The following DISC1 variants were observed in gnomAD, a reference collection of about 807,000 sequenced individuals.
DISC1 encodes the protein disrupted in schizophrenia 1 protein.
Under a neutral mutation model 84.5 loss-of-function variants are expected in DISC1, and 57 were observed. That is an observed-to-expected ratio of 0.67 (90% CI 0.55 to 0.84). The LOEUF is 0.84. Among genes scored for constraint, DISC1 ranks in the 40% least tolerant of loss-of-function variants. The pLI, the probability that DISC1 is intolerant of heterozygous loss-of-function variation, is 0.00. For synonymous variants in DISC1, 411 were observed against 415.2 expected, an observed-to-expected ratio of 0.99 and a Z score of 0.12; for missense variants, 1,000 against 1,057.8, an observed-to-expected ratio of 0.95 and a Z score of 0.76.
chr1:232,026,260 A>G (rs912401531), intron 11 of DISC1, among the ~76,000 whole-genome samples, 175 bp from the exon 12 acceptor site: 24 of 152,190 alleles, frequency 1.6e-4, no homozygotes, highest in Admixed American at 9.2e-4. Flanking sequence ...TTCTTTGGTC[A>G]TAACTTGAAA....
Position 231,890,251 on chromosome 1 carries a change from G to C in DISC1, c.1982-68577G>C, listed in dbSNP as rs542220229. 2.6e-5 allele frequency among the ~76,000 whole-genome samples: 4 copies of C among 152,174 alleles called. No homozygotes were observed. The East Asian group carries it at 5.8e-4, about 22-fold the overall frequency. ...ATCTGTGCCTTCTATGGCTCTGATCGTGGGTAAGCAAAAAACACAGTGACT... is the reference window on the plus strand; with the variant it reads ...ATCTGTGCCTTCTATGGCTCTGATCCTGGGTAAGCAAAAAACACAGTGACT... On this transcript the variant is annotated intron_variant, in intron 9 of 12. Transcript: ENST00000439617.
chr1:231,945,461 C>T (rs1656984092), intron 9 of DISC1, among the ~76,000 whole-genome samples: 1 of 152,174 alleles, frequency 6.6e-6, no homozygotes, highest in Admixed American at 6.5e-5. Flanking sequence ...ACATTTAAAA[C>T]AGTGTGTAGA....
chr1:231,741,640 A>C (rs191852463), intron 3 of DISC1, among the ~76,000 whole-genome samples: 82 of 152,278 alleles, frequency 5.4e-4, no homozygotes, highest in African/African-American at 1.8e-3. Context: ...CTGGTGGAGC[A>C]GGGAGCCTAC....
At chr1:232,007,309 G>A (rs920346218) in intron 10 of DISC1, among the ~76,000 whole-genome samples, 2 of 152,188 alleles carry the variant, frequency 1.3e-5, no homozygotes, top group African/African-American at 4.8e-5. Flanking sequence ...ACCTGGAAAA[G>A]CTGCAGACAC....
intron 3 of DISC1, among the ~76,000 whole-genome samples, chr1:231,746,053 G>A (rs373970621): frequency 6.6e-6 from 1 of 152,190 alleles, no homozygotes; most frequent in Non-Finnish European, 1.5e-5. Context: ...GGAAGCAGAT[G>A]CCGGCACTAA....
At chr1:231,755,280 A>G (rs2075006682) in intron 4 of DISC1, among the ~76,000 whole-genome samples, 3 of 152,002 alleles carry the variant, frequency 2.0e-5, no homozygotes, top group Non-Finnish European at 4.4e-5. Context: ...GGGTTAAGCA[A>G]TTCTTCCACC....
intron 10 of DISC1, among the ~76,000 whole-genome samples, chr1:231,994,187 C>G (rs944135821): frequency 6.6e-6 from 1 of 152,238 alleles, no homozygotes; most frequent in Non-Finnish European, 1.5e-5. Flanking sequence ...CGGGCCTGCA[C>G]CAGGGCTGAA....
rs1267728998 is a variant in DISC1 at position 231,826,012 on chromosome 1, CT to C, written c.1981+7497del. On this transcript the variant is annotated intron_variant, in intron 9 of 12. Transcript: ENST00000439617. The surrounding 1 kb of genome is among the most constrained non-coding windows in gnomAD (Gnocchi z 4.2). ...TTTCTTTGAAGAAAAGGAATGATCC[CT>C]TGTACGAAGTCACCCTCTTTTTAGT... 6.6e-6 allele frequency among the ~76,000 whole-genome samples: 1 copy of C among 152,192 alleles called. No individual in the cohort carries two copies. Among genetic ancestry groups the C allele is most frequent in the Non-Finnish European group, 1.5e-5 (1 of 68,024 alleles).
chr1:231,670,767 T>A (rs1342822664), intron 1 of DISC1: 1 of 152,192 alleles, frequency 6.6e-6, no homozygotes, highest in Non-Finnish European at 1.5e-5. Flanking sequence ...CACTCCCCAG[T>A]AGTCCTTTCA....
chr1:232,035,963 G>C (rs1191474663), intron 12 of DISC1, among the ~76,000 whole-genome samples: 1 of 152,152 alleles, frequency 6.6e-6, no homozygotes, highest in Non-Finnish European at 1.5e-5. Flanking sequence ...TTATAGGTTA[G>C]AAAACTAAGA....
At chr1:232,035,783 A>G (rs16856305) in intron 12 of DISC1, among the ~76,000 whole-genome samples, 5,271 of 152,290 alleles carry the variant, frequency 0.035, 180 homozygotes, top group East Asian at 0.17. Context: ...GACTACAAGT[A>G]AAAAGGGAAA....
chr1:231,677,015 A>T (rs2063218582), intron 1 of DISC1, among the ~76,000 whole-genome samples: 2 of 152,184 alleles, frequency 1.3e-5, no homozygotes, highest in South Asian at 4.1e-4. Context: ...CTTAAGGAAA[A>T]GGAGAGATTG....
chr1:231,786,972 C>T (rs2077918019), intron 6 of DISC1, among the ~76,000 whole-genome samples: 1 of 152,172 alleles, frequency 6.6e-6, no homozygotes. Context: ...TTTACCCTTC[C>T]CCTCAAGGAT....
In DISC1 at chr1:231,694,650, G is replaced by T; in HGVS notation, c.892G>T (p.Asp298Tyr). 1 of 1,614,246 alleles carries T rather than the reference G, an allele frequency of 6.2e-7. No individual in the cohort carries two copies. Among genetic ancestry groups the T allele is most frequent in the Non-Finnish European group, 8.5e-7 (1 of 1,180,044 alleles). The change falls in exon 2 of 13, where the codon GAC becomes TAC. Residue 298 changes from aspartate (D) to tyrosine (Y), a missense_variant. Transcript: ENST00000439617. ...TGACATGCATTCTTTACCAGACATGGACCCTGGCTCCTCCAGTTCTCTGGA... is the reference window on the plus strand; with the variant it reads ...TGACATGCATTCTTTACCAGACATGTACCCTGGCTCCTCCAGTTCTCTGGA... ...ERDMHSLPDM[D>Y]PGSSSSLDPS...
At chr1:231,646,600 G>A (rs1049489915) in intron 1 of DISC1, among the ~76,000 whole-genome samples, 2 of 152,182 alleles carry the variant, frequency 1.3e-5, no homozygotes, top group East Asian at 1.9e-4. Flanking sequence ...GGGCCAAATG[G>A]TATTTCTAGT....
At chr1:231,886,771 CTTTCTT>C (rs2086737948) in intron 9 of DISC1, among the ~76,000 whole-genome samples, 1 of 73,486 alleles carries the variant, frequency 1.4e-5, no homozygotes, top group Non-Finnish European at 3.1e-5. Flanking sequence ...TCCTTCCTTT[CTTTCTT>C]TCTTTCTTTC....
chr1:231,768,768 A>G (rs529874498), intron 5 of DISC1, among the ~76,000 whole-genome samples: 3 of 152,360 alleles, frequency 2.0e-5, no homozygotes, highest in South Asian at 2.1e-4. Context: ...TAAAACCTCT[A>G]TTAGACAACT....
At position 231,645,370 on chromosome 1, in the gene DISC1, A is replaced by G. The variant is rs556329548; in HGVS notation, c.67+18436A>G. 1.1e-4 allele frequency among the ~76,000 whole-genome samples: 16 copies of G among 152,228 alleles called. No individual in the cohort carries two copies. In the South Asian group the frequency reaches 2.7e-3, roughly 26 times the overall value. On this transcript the variant is annotated intron_variant, in intron 1 of 12. Coordinates refer to ENST00000439617, the MANE Select transcript of DISC1 (RefSeq NM_018662.3). The stretch of plus-strand genomic sequence containing the variant: ...ACTGCTTCCTTGTACAAGTCAAACC[A>G]GGGCCTTTAGAGCAGGGACCTTCAT...
intron 10 of DISC1, among the ~76,000 whole-genome samples, chr1:231,999,960 A>G (rs1255670351): frequency 6.6e-6 from 1 of 152,218 alleles, no homozygotes; most frequent in East Asian, 1.9e-4. Flanking sequence ...GTAGGACGGG[A>G]CCTGCATGAT....
Sources: gnomAD v4.1 joint callset for allele counts (sites outside exome capture counted in the v4.1 genomes callset) on GRCh38, gnomAD v4.1.1 for gene constraint, Gnocchi (gnomAD v3.1) non-coding constraint, MANE v1.5 for transcripts, NCBI Gene and HGNC (gene_info 2026-07-23, HGNC 2026-07-21) for gene names.